Variants in SPINK14 observed in about 807,000 individuals in gnomAD.
SPINK14 encodes serine peptidase inhibitor Kazal type 14 (putative).
In SPINK14, 6 loss-of-function variants were observed where a neutral mutation model predicts 14.2. That is an observed-to-expected ratio of 0.42 (90% CI 0.23 to 0.83). The LOEUF (loss-of-function observed/expected upper bound fraction) is 0.83. Ranked by LOEUF, SPINK14 falls within the 40% of genes least tolerant of loss-of-function variation. The pLI is 0.28. For missense variants in SPINK14, 86 were observed against 108.3 expected (o/e 0.79, Z 0.91); for synonymous variants, 34 against 36.8 (o/e 0.92, Z 0.27).
At chr5:148,175,272 T>C (rs1010746096) in intron 4 of SPINK14, 81 bp from the exon 5 acceptor site, 4 of 927,886 alleles carry the variant, frequency 4.3e-6, no homozygotes, top group Non-Finnish European at 5.0e-6. Context: ...AACCAGGTTT[T>C]AGATAGATAA....
In SPINK14 at chr5:148,175,410, T is replaced by G; in HGVS notation, c.*12T>G. 1 of 1,588,094 alleles carries G rather than the reference T, an allele frequency of 6.3e-7. No homozygotes were observed. The highest frequency in any genetic ancestry group is 1.4e-5 in the African/African-American group (1 of 70,484). On this transcript the variant is annotated 3_prime_UTR_variant, in exon 5 of 5. Transcript: ENST00000356972. Reference sequence around the variant, plus strand: ...ATGGAAAATGTTAGCTGAGTGGACTTGAATGTGGAAGATATCTTCTTTTTT... The same window carrying G: ...ATGGAAAATGTTAGCTGAGTGGACTGGAATGTGGAAGATATCTTCTTTTTT...
At chr5:148,175,233 A>T (rs1477521501) in intron 4 of SPINK14, 120 bp from the exon 5 acceptor site, 3 of 658,476 alleles carry the variant, frequency 4.6e-6, no homozygotes, top group Non-Finnish European at 7.9e-6. Context: ...TTCCCTTTAC[A>T]CTCTGGATCT....
chr5:148,168,648 A>C (rs1755061437), intron 1 of SPINK14, among the ~76,000 whole-genome samples, 81 bp downstream of exon 1: 1 of 124,346 alleles, frequency 8.0e-6, no homozygotes, highest in African/African-American at 2.5e-5. Context: ...CTGAACTTGT[A>C]CTGTTCCTGT....
At chr5:148,174,018 A>G (rs1263887763) in intron 3 of SPINK14, among the ~76,000 whole-genome samples, 1 of 91,622 alleles carries the variant, frequency 1.1e-5, no homozygotes, top group East Asian at 2.6e-4. Flanking sequence ...TTAAAAAAAA[A>G]AAAACTGGAG....
chr5:148,168,711 T>C (rs1755062295), intron 1 of SPINK14, among the ~76,000 whole-genome samples, 144 bp downstream of exon 1: 1 of 152,062 alleles, frequency 6.6e-6, no homozygotes. Flanking sequence ...GGGGTGTGTT[T>C]AGCAAAACAT....
chr5:148,173,356 C>T (rs1755131542), intron 3 of SPINK14, among the ~76,000 whole-genome samples: 1 of 152,108 alleles, frequency 6.6e-6, no homozygotes, highest in South Asian at 2.1e-4. Context: ...CCCCTGAAAA[C>T]AAACATCCCT....
chr5:148,174,335 C>A lies in SPINK14; in HGVS notation c.213C>A (p.Thr71=). 1 of 1,113,950 alleles carries A rather than the reference C, an allele frequency of 9.0e-7. No individual in the cohort carries two copies. The highest frequency in any genetic ancestry group is 1.6e-5 in the South Asian group (1 of 64,316). The allele number at this position is 1,113,950 out of a possible 1,614,324, so 69.0% of individuals were successfully genotyped here. The change falls in exon 4 of 5, where the codon ACC becomes ACA. Residue 71 remains threonine (T), a synonymous_variant. Coordinates refer to ENST00000356972, the MANE Select transcript of SPINK14 (RefSeq NM_001001325.2). ...CCATCTGCGGCACCAATTTTATAAC[C>A]TATGATAATCCCTGCATTCTGTGTG... The part of the protein sequence containing the change: ...YQPICGTNFI[T]YDNPCILCVE...
chr5:148,169,942 G>GAA, intron 2 of SPINK14, 143 bp downstream of exon 2: 1 of 323,794 alleles, frequency 3.1e-6, no homozygotes, highest in Non-Finnish European at 5.2e-6. Flanking sequence ...ATTATCCATT[G>GAA]ACGTGTTGCA....
intron 2 of SPINK14, among the ~76,000 whole-genome samples, chr5:148,170,213 T>TAG (rs577903742): frequency 1.1e-4 from 16 of 143,296 alleles, no homozygotes; most frequent in South Asian, 4.3e-4. Flanking sequence ...TATATATATA[T>TAG]AGAGAGAGAG....
intron 3 of SPINK14, among the ~76,000 whole-genome samples, chr5:148,172,540 T>C (rs941842114): frequency 6.6e-6 from 1 of 152,198 alleles, no homozygotes; most frequent in South Asian, 2.1e-4. Flanking sequence ...CTAATGCCAA[T>C]ATATGTGCTG....
intron 3 of SPINK14, 126 bp downstream of exon 3, chr5:148,171,099 C>G (rs551390693): frequency 1.2e-6 from 1 of 849,174 alleles, no homozygotes; most frequent in African/African-American, 1.7e-5. Flanking sequence ...CCTATTTGTA[C>G]GAGGGTGGTG....
chr5:148,174,860 C>T (rs1247333615), intron 4 of SPINK14, among the ~76,000 whole-genome samples: 10 of 152,066 alleles, frequency 6.6e-5, no homozygotes, highest in South Asian at 2.1e-4. Flanking sequence ...AATCTTATAA[C>T]GCAATGCTTT....
At position 148,169,685 on chromosome 5, in the gene SPINK14, T is replaced by C. The variant is rs1755074827; in HGVS notation, c.-48T>C. 4 of 1,505,634 alleles carry C rather than the reference T, an allele frequency of 2.7e-6. No individual in the cohort carries two copies. In the South Asian group the frequency reaches 4.6e-5, roughly 17 times the overall value. The allele number at this position is 1,505,634 out of a possible 1,614,324, so 93.3% of individuals were successfully genotyped here. A position where few individuals can be genotyped will look rare whatever the true frequency, so the allele number is the denominator to read the frequency against. ...GTGATTGTATTAGAGGGCAACAACC[T>C]GAGACAATATTTCAGAGCATCATTC... On this transcript the variant is annotated 5_prime_UTR_variant, in exon 2 of 5. Transcript: ENST00000356972.
At chr5:148,170,830 A>C (rs1397099010) in intron 2 of SPINK14, 100 bp from the exon 3 acceptor site, 1 of 1,030,012 alleles carries the variant, frequency 9.7e-7, no homozygotes, top group East Asian at 2.5e-5. Flanking sequence ...ATTGCTGAAA[A>C]CTTCCTTGAT....
rs771878984 is a variant in SPINK14, at chr5:148,170,938, C to T, written c.76C>T (p.Pro26Ser). ...TTTCATGTATTCTCTAGTTTCAGGC[C>T]CTAGACACTGGTGGCCACCACGTGG... The part of the protein sequence containing the change: ...IHLVLSSVSG[P>S]RHWWPPRGII... The change falls in exon 3 of 5, where the codon CCT becomes TCT. Residue 26 changes from proline (P) to serine (S), a missense_variant. Physicochemically the swap from Pro to Ser is moderately conservative, Grantham distance 74 (BLOSUM62 -1). Transcript: ENST00000356972. The T allele has an allele frequency of 9.6e-5, 155 of 1,612,052 alleles. 3 individuals carry two copies. The highest frequency in any genetic ancestry group is 3.8e-4 in the South Asian group (35 of 90,990).
At position 148,174,189 on chromosome 5, in the gene SPINK14, C is replaced by A. The variant is rs551354824; in HGVS notation, c.112-45C>A. On this transcript the variant is annotated intron_variant, in intron 3 of 4. Coordinates refer to ENST00000356972, the MANE Select transcript of SPINK14 (RefSeq NM_001001325.2). ...TAAAGTTCAAAGGTGACCTACCTGT[C>A]TAAGTGGGATTCTAACTGGATAAAT... 3.8e-6 allele frequency: 4 copies of A among 1,060,516 alleles called. No homozygotes were observed. In the Admixed American group the frequency reaches 8.2e-5, roughly 22 times the overall value. The allele number at this position is 1,060,516 out of a possible 1,614,324, so 65.7% of individuals were successfully genotyped here.
At chr5:148,171,028 T>C in intron 3 of SPINK14, 55 bp downstream of exon 3, 1 of 1,540,024 alleles carries the variant, frequency 6.5e-7, no homozygotes, top group Non-Finnish European at 8.9e-7. Context: ...GAGTTCTTTT[T>C]TTTTGGAATT....
intron 3 of SPINK14, among the ~76,000 whole-genome samples, chr5:148,171,994 C>T (rs1342035344): frequency 2.6e-5 from 4 of 152,072 alleles, no homozygotes; most frequent in African/African-American, 9.7e-5. Context: ...CTATGCTGTG[C>T]CCTAAGATAC....
chr5:148,171,495 T>A (rs1010083036), intron 3 of SPINK14, among the ~76,000 whole-genome samples: 1 of 152,148 alleles, frequency 6.6e-6, no homozygotes, highest in South Asian at 2.1e-4. Flanking sequence ...AATGGAGACA[T>A]CTTTTTCATT....
Sources: gnomAD v4.1 joint callset for allele counts (sites outside exome capture counted in the v4.1 genomes callset) on GRCh38, gnomAD v4.1.1 for gene constraint, MANE v1.5 for transcripts, NCBI Gene and HGNC (gene_info 2026-07-23, HGNC 2026-07-21) for gene names.